Variants in PRR11 observed in about 807,000 individuals in gnomAD.
PRR11 encodes proline rich 11.
Under a neutral mutation model 45.6 loss-of-function variants are expected in PRR11, and 30 were observed. The ratio of observed to expected loss-of-function variants is 0.66; its 90% CI spans 0.49 to 0.89. The LOEUF (loss-of-function observed/expected upper bound fraction) is 0.89. Among genes scored for constraint, PRR11 ranks in the 40% least tolerant of loss-of-function variants. The pLI, the probability that PRR11 is intolerant of heterozygous loss-of-function variation, is 0.00. For missense variants in PRR11, 373 were observed against 424.8 expected, an observed-to-expected ratio of 0.88 and a Z score of 1.07; for synonymous variants, 128 against 153.5, an observed-to-expected ratio of 0.83 and a Z score of 1.23.
chr17:59,203,279 C>T lies in PRR11; in HGVS notation c.*1648C>T, dbSNP rs1370990053. On this transcript the variant is annotated 3_prime_UTR_variant, in exon 10 of 10. Transcript: ENST00000262293. ...TCACTCTGTCACCCAGGCTGGAGTG[C>T]AGTGGCGCAATCTTGGCTCACTGCA... Among the ~76,000 whole-genome samples, 3 of 152,108 alleles carry T rather than the reference C, an allele frequency of 2.0e-5. No homozygotes were observed. The highest frequency in any genetic ancestry group is 7.2e-5 in the African/African-American group (3 of 41,430).
chr17:59,173,771 G>C (rs1202761398), intron 2 of PRR11, among the ~76,000 whole-genome samples: 1 of 152,184 alleles, frequency 6.6e-6, no homozygotes, highest in Non-Finnish European at 1.5e-5. Flanking sequence ...AGGACGACTT[G>C]ATCACTCTAT....
At position 59,206,344 on chromosome 17, in the gene PRR11, G is replaced by A. The variant is rs138627580; in HGVS notation, c.*4713G>A. On this transcript the variant is annotated 3_prime_UTR_variant, in exon 10 of 10. Transcript: ENST00000262293. ...TTATACCACTGCACTCCAGCCTGCT[G>A]GGTAACAGAGCAAGACTCCATCTCA... Among the ~76,000 whole-genome samples the A allele has an allele frequency of 5.2e-4, 79 of 152,116 alleles. 1 individual carries two copies. The East Asian group carries it at 0.014, about 26-fold the overall frequency.
At chr17:59,164,949 C>T (rs1335809833) in intron 1 of PRR11, among the ~76,000 whole-genome samples, 1 of 151,486 alleles carries the variant, frequency 6.6e-6, no homozygotes. Context: ...GCCACAAGAT[C>T]GCTCCTTCCT....
rs910392831 is a variant in PRR11 at position 59,203,685 on chromosome 17, C to T, written c.*2054C>T. The T allele has an allele frequency of 6.6e-6, 1 of 151,928 alleles. No homozygotes were observed. The highest frequency in any genetic ancestry group is 2.4e-5 in the African/African-American group (1 of 41,362). The allele number at this position is 151,928 out of a possible 1,614,324, so 9.4% of individuals were successfully genotyped here. ...ACCAGCCTGGCCAACATGGTGAAAT[C>T]CCATCTCTACTAAAAATACAAAATT... On this transcript the variant is annotated 3_prime_UTR_variant, in exon 10 of 10. Transcript: ENST00000262293.
chr17:59,160,635 G>A, intron 1 of PRR11: 1 of 152,036 alleles, frequency 6.6e-6, no homozygotes, highest in East Asian at 1.9e-4. Context: ...CCAGTTTGCT[G>A]GTTCCTTAGC....
chr17:59,193,419 A>G, intron 4 of PRR11, 73 bp from the exon 5 acceptor site: 1 of 1,567,600 alleles, frequency 6.4e-7, no homozygotes, highest in Non-Finnish European at 8.7e-7. Context: ...GGTAGCTATT[A>G]TTTTGATGAC....
intron 5 of PRR11, 109 bp downstream of exon 5, chr17:59,193,843 G>A: frequency 7.7e-7 from 1 of 1,296,032 alleles, no homozygotes; most frequent in Non-Finnish European, 1.1e-6. Context: ...GCTTGGGCCA[G>A]AAGGCTATAT....
chr17:59,187,651 G>A lies in PRR11; in HGVS notation c.402+2089G>A, dbSNP rs185322753. On this transcript the variant is annotated intron_variant, in intron 4 of 9. Coordinates refer to ENST00000262293, the MANE Select transcript of PRR11 (RefSeq NM_018304.4). Reference sequence around the variant, plus strand: ...AGGCCGAGGTGGGCAGATCACTTGAGGTCAGGAGTTTGAGACCAGCCTGGC... The same window carrying A: ...AGGCCGAGGTGGGCAGATCACTTGAAGTCAGGAGTTTGAGACCAGCCTGGC... 4.5e-3 allele frequency among the ~76,000 whole-genome samples: 685 copies of A among 152,144 alleles called. 5 individuals are homozygous for A. The highest frequency in any genetic ancestry group is 0.016 in the African/African-American group (650 of 41,480).
chr17:59,156,621 T>A (rs899315186), intron 1 of PRR11, among the ~76,000 whole-genome samples: 4 of 151,840 alleles, frequency 2.6e-5, no homozygotes, highest in Non-Finnish European at 5.9e-5. Context: ...GCTTTGAAAG[T>A]ACCCCAGAAC....
chr17:59,175,814 G>C (rs1334910833), intron 2 of PRR11, among the ~76,000 whole-genome samples: 1 of 152,108 alleles, frequency 6.6e-6, no homozygotes, highest in Non-Finnish European at 1.5e-5. Context: ...AGGCTGAGGT[G>C]GGAGGATCAC....
intron 1 of PRR11, among the ~76,000 whole-genome samples, chr17:59,164,190 T>C (rs1346780651): frequency 6.6e-6 from 1 of 152,164 alleles, no homozygotes; most frequent in Non-Finnish European, 1.5e-5. Flanking sequence ...CCTGGCAGGG[T>C]TGAGCAGTTG....
At chr17:59,168,303 G>A (rs1328299594) in intron 1 of PRR11, among the ~76,000 whole-genome samples, 2 of 151,468 alleles carry the variant, frequency 1.3e-5, no homozygotes, top group Non-Finnish European at 2.9e-5. Flanking sequence ...CCAGTAGCTG[G>A]GACCACAGGC....
Position 59,203,376 on chromosome 17 carries a change from T to A in PRR11, c.*1745T>A, listed in dbSNP as rs183850697. 2.0e-5 allele frequency: 3 copies of A among 152,234 alleles called. No homozygotes were observed. The East Asian group carries it at 5.8e-4, about 30-fold the overall frequency. 9.4% of individuals were successfully genotyped at this position (152,234 alleles called of 1,614,324 possible). A position where few individuals can be genotyped will look rare whatever the true frequency, so the allele number is the denominator to read the frequency against. ...AGTAGCTGGGATTACAGGTGCGCACTGCCACGCCTGACTAATTTTTGTATT... is the reference window on the plus strand; with the variant it reads ...AGTAGCTGGGATTACAGGTGCGCACAGCCACGCCTGACTAATTTTTGTATT... On this transcript the variant is annotated 3_prime_UTR_variant, in exon 10 of 10. Coordinates refer to ENST00000262293, the MANE Select transcript of PRR11 (RefSeq NM_018304.4).
intron 2 of PRR11, among the ~76,000 whole-genome samples, chr17:59,174,015 G>A (rs2046727887): frequency 6.6e-6 from 1 of 152,208 alleles, no homozygotes; most frequent in African/African-American, 2.4e-5. Flanking sequence ...GTTCAGAGCA[G>A]TTGAGAAATC....
chr17:59,189,526 A>C (rs969363445), intron 4 of PRR11, among the ~76,000 whole-genome samples: 1 of 151,684 alleles, frequency 6.6e-6, no homozygotes, highest in African/African-American at 2.4e-5. Context: ...TAGAGACAGG[A>C]TCTCACCATG....
intron 6 of PRR11, 50 bp downstream of exon 6, chr17:59,194,905 G>A: frequency 6.8e-7 from 1 of 1,465,380 alleles, no homozygotes; most frequent in South Asian, 1.2e-5. Context: ...TAACAATATA[G>A]GCTCATGCCT....
At chr17:59,157,409 T>C (rs1171802468) in intron 1 of PRR11, among the ~76,000 whole-genome samples, 1 of 152,044 alleles carries the variant, frequency 6.6e-6, no homozygotes, top group East Asian at 1.9e-4. Flanking sequence ...CCAGTATAAA[T>C]TCTGTAAGGA....
chr17:59,163,334 C>T (rs1026802743), intron 1 of PRR11, among the ~76,000 whole-genome samples: 23 of 152,186 alleles, frequency 1.5e-4, no homozygotes, highest in African/African-American at 5.3e-4. Flanking sequence ...CCTCCTGCCT[C>T]CCGGCCTCCC....
intron 2 of PRR11, among the ~76,000 whole-genome samples, chr17:59,180,593 C>T (rs1485061175): frequency 6.8e-6 from 1 of 148,094 alleles, no homozygotes; most frequent in Non-Finnish European, 1.5e-5. Flanking sequence ...GCAACCTCTG[C>T]CTCCCGGGTT....
Sources: gnomAD v4.1 joint callset for allele counts (sites outside exome capture counted in the v4.1 genomes callset) on GRCh38, gnomAD v4.1.1 for gene constraint, MANE v1.5 for transcripts, NCBI Gene and HGNC (gene_info 2026-07-23, HGNC 2026-07-21) for gene names.